FHL5: variants seen among roughly 807,000 people sequenced by gnomAD.
FHL5 encodes four and a half LIM domains 5, also known as four and a half LIM domains protein 5.
In FHL5, 33 loss-of-function variants were observed where a neutral mutation model predicts 32.0. The observed-to-expected ratio is 1.03, with a 90% confidence interval of 0.78 to 1.38. FHL5 has a LOEUF of 1.38. Ranked by LOEUF, FHL5 falls within the 40% of genes most tolerant of loss-of-function variation. The probability of loss-of-function intolerance (pLI) is 0.00; values close to 1 mark genes in which losing one functional copy is unlikely to be tolerated. For synonymous variants in FHL5, 114 were observed against 113.6 expected, an observed-to-expected ratio of 1.00 and a Z score of -0.02; for missense variants, 336 against 343.9, an observed-to-expected ratio of 0.98 and a Z score of 0.18.
chr6:96,604,732 T>G lies in FHL5; in HGVS notation c.160-18T>G, dbSNP rs1178592551. Reference sequence around the variant, plus strand: ...TGTCACAACCACATTTAATTAACTTTTATTTACTGTCTCAAAGGATCTTTG... The same window carrying G: ...TGTCACAACCACATTTAATTAACTTGTATTTACTGTCTCAAAGGATCTTTG... On this transcript the variant is annotated intron_variant, in intron 2 of 5. Transcript: ENST00000450218. The G allele has an allele frequency of 3.1e-6, 5 of 1,589,186 alleles. No homozygotes were observed. The highest frequency in any genetic ancestry group is 4.3e-6 in the Non-Finnish European group (5 of 1,168,250).
intron 4 of FHL5, among the ~76,000 whole-genome samples, chr6:96,607,257 A>G (rs1189779590): frequency 6.9e-6 from 1 of 145,936 alleles, no homozygotes; most frequent in Non-Finnish European, 1.5e-5. Context: ...AAGCTGAATC[A>G]TGAAAATACA....
intron 4 of FHL5, 40 bp downstream of exon 4, chr6:96,606,111 C>G (rs763795423): frequency 9.7e-6 from 15 of 1,542,254 alleles, no homozygotes; most frequent in African/African-American, 1.4e-5. Flanking sequence ...GAAACTCAGA[C>G]TATTTCTTTT....
At chr6:96,566,308 A>C (rs1391339195) in intron 1 of FHL5, among the ~76,000 whole-genome samples, 1 of 152,012 alleles carries the variant, frequency 6.6e-6, no homozygotes, top group Admixed American at 6.5e-5. Flanking sequence ...AAGCTCATTC[A>C]TGTTGCCGTG....
chr6:96,604,834 G>A lies in FHL5; in HGVS notation c.244G>A (p.Ala82Thr). The A allele has an allele frequency of 1.2e-6, 2 of 1,614,054 alleles. No homozygotes were observed. The highest frequency in any genetic ancestry group is 1.7e-6 in the Non-Finnish European group (2 of 1,179,928). ...TCACTCTTTGGTGGAAAAGCCTTTTGCTGCCAAGGATGAGCGCCTGCTGTG... is the reference window on the plus strand; with the variant it reads ...TCACTCTTTGGTGGAAAAGCCTTTTACTGCCAAGGATGAGCGCCTGCTGTG... ...CNHSLVEKPF[A>T]AKDERLLCTE... Residue 82 changes from alanine to threonine, a missense_variant, in exon 3 of 6, where the codon GCT becomes ACT. Transcript: ENST00000450218.
chr6:96,567,379 G>A (rs968120910), intron 1 of FHL5, among the ~76,000 whole-genome samples: 13 of 151,838 alleles, frequency 8.6e-5, no homozygotes, highest in East Asian at 7.7e-4. Flanking sequence ...CATGCTATCC[G>A]GGTTACTATA....
intron 4 of FHL5, among the ~76,000 whole-genome samples, chr6:96,610,219 G>T (rs754675820): frequency 6.6e-5 from 10 of 152,126 alleles, no homozygotes; most frequent in Non-Finnish European, 1.5e-4. Context: ...AACCTGTGTG[G>T]TTTTTCTCCC....
intron 4 of FHL5, among the ~76,000 whole-genome samples, chr6:96,608,059 C>T (rs561106260): frequency 1.1e-4 from 16 of 152,210 alleles, no homozygotes; most frequent in African/African-American, 3.4e-4. Flanking sequence ...ATAGGTTTAT[C>T]TCACTGTTTT....
At position 96,618,453 on chromosome 6, in the gene FHL5, C is replaced by A. The variant is rs6921480; in HGVS notation, c.*2681C>A. ...CTCTTAGGATAAAAAGTGACATAAC[C>A]GGCCATAGAAAGTTACCAACTGTTC... On this transcript the variant is annotated 3_prime_UTR_variant, in exon 6 of 6. Coordinates refer to ENST00000450218, the MANE Select transcript of FHL5 (RefSeq NM_001322466.2). 3.3e-5 allele frequency among the ~76,000 whole-genome samples: 5 copies of A among 152,176 alleles called. No homozygotes were observed. The highest frequency in any genetic ancestry group is 3.9e-4 in the East Asian group (2 of 5,176).
At chr6:96,573,525 T>C in intron 1 of FHL5, among the ~76,000 whole-genome samples, 1 of 148,420 alleles carries the variant, frequency 6.7e-6, no homozygotes, top group Admixed American at 6.7e-5. Context: ...CAAAATATTC[T>C]AATTTTTTTT....
At chr6:96,591,638 CT>C (rs1163074185) in intron 1 of FHL5, among the ~76,000 whole-genome samples, 1 of 151,724 alleles carries the variant, frequency 6.6e-6, no homozygotes, top group Admixed American at 6.6e-5. Context: ...GTCTAGCTTC[CT>C]TTTTTTTCTG....
At chr6:96,571,019 A>G (rs1380081885) in intron 1 of FHL5, among the ~76,000 whole-genome samples, 2 of 152,068 alleles carry the variant, frequency 1.3e-5, no homozygotes, top group African/African-American at 4.8e-5. Context: ...GTCTGTTACT[A>G]GAGAGTTATT....
At chr6:96,573,617 G>A (rs947437818) in intron 1 of FHL5, among the ~76,000 whole-genome samples, 7 of 149,626 alleles carry the variant, frequency 4.7e-5, no homozygotes, top group African/African-American at 5.0e-5. Flanking sequence ...CACCTCCCGG[G>A]TTCACGCCAT....
Position 96,603,637 on chromosome 6 carries a change from T to A in FHL5, c.24T>A (p.Cys8Ter), listed in dbSNP as rs964858188. Residue 8 changes from cysteine (C) to a stop codon, truncating the protein, a stop_gained, in exon 2 of 6, where the codon TGT (cysteine) becomes TGA (stop). Coordinates refer to ENST00000450218, the MANE Select transcript of FHL5 (RefSeq NM_001322466.2). LOFTEE classifies it high-confidence loss of function. MTTAHFYCQYCTASLLGK... is the reference protein window; with the variant it reads MTTAHFY Reference sequence around the variant, plus strand: ...AAATGACAACTGCTCACTTTTACTGTCAATACTGCACAGCATCACTTCTTG... The same window carrying A: ...AAATGACAACTGCTCACTTTTACTGACAATACTGCACAGCATCACTTCTTG... The A allele has an allele frequency of 1.2e-6, 2 of 1,612,434 alleles. No individual in the cohort carries two copies. The highest frequency in any genetic ancestry group is 2.7e-5 in the African/African-American group (2 of 74,888).
chr6:96,604,708 G>T, intron 2 of FHL5, 42 bp from the exon 3 acceptor site: 1 of 1,542,340 alleles, frequency 6.5e-7, no homozygotes, highest in Non-Finnish European at 8.8e-7. Flanking sequence ...GGCCTGTATT[G>T]TCACAACCAC....
chr6:96,610,841 A>G lies in FHL5; in HGVS notation c.691+83A>G, dbSNP rs1466070079. The G allele has an allele frequency of 1.3e-5, 13 of 1,034,290 alleles. No homozygotes were observed. In the Admixed American group the frequency reaches 2.7e-4, roughly 22 times the overall value. The allele number at this position is 1,034,290 out of a possible 1,614,324, so 64.1% of individuals were successfully genotyped here. On this transcript the variant is annotated intron_variant, in intron 5 of 5. Transcript: ENST00000450218. The stretch of plus-strand genomic sequence containing the variant: ...CTATCTAGTTAATTTAGGAAAAGCA[A>G]TTAAAAAATGGGAAGCTTTCCTTTA...
At chr6:96,584,312 G>T (rs1369832652) in intron 1 of FHL5, among the ~76,000 whole-genome samples, 1 of 152,122 alleles carries the variant, frequency 6.6e-6, no homozygotes, top group African/African-American at 2.4e-5. Context: ...AGGTAGATGG[G>T]GAGCAAAGAG....
chr6:96,615,770 T>C lies in FHL5; in HGVS notation c.853T>C (p.Ter285GlnextTer52). ...KCGSGMDTDI[*>Q] ...TGGCTCCGGAATGGACACTGACATC[T>C]AGGAGACAGTCCTTGCCCACCTAAA... The change falls in exon 6 of 6, where the codon TAG (stop) becomes CAG (glutamine). Residue 285 changes from the stop codon to glutamine (Q), a stop_lost. Coordinates refer to ENST00000450218, the MANE Select transcript of FHL5 (RefSeq NM_001322466.2). 1 of 1,603,892 alleles carries C rather than the reference T, an allele frequency of 6.2e-7. No individual in the cohort carries two copies. The highest frequency in any genetic ancestry group is 8.5e-7 in the Non-Finnish European group (1 of 1,174,836).
intron 4 of FHL5, among the ~76,000 whole-genome samples, chr6:96,607,065 T>TTCATCCA (rs1771298438): frequency 6.6e-6 from 1 of 152,130 alleles, no homozygotes; most frequent in Admixed American, 6.5e-5. Flanking sequence ...AAAAAAGTAA[T>TTCATCCA]ATTTTTGAAG....
chr6:96,596,764 T>C (rs943107586), intron 1 of FHL5, among the ~76,000 whole-genome samples: 1 of 152,162 alleles, frequency 6.6e-6, no homozygotes, highest in African/African-American at 2.4e-5. Flanking sequence ...TGATGCCTAG[T>C]ATTTTGAACA....
Sources: gnomAD v4.1 joint callset for allele counts (sites outside exome capture counted in the v4.1 genomes callset) on GRCh38, gnomAD v4.1.1 for gene constraint, MANE v1.5 for transcripts, NCBI Gene and HGNC (gene_info 2026-07-23, HGNC 2026-07-21) for gene names.